The following FGF5 variants were observed in gnomAD, a reference collection of about 807,000 sequenced individuals.
The protein encoded by FGF5 is fibroblast growth factor 5, also known as heparin-binding growth factor 5.
FGF5 carries 23 observed loss-of-function variants against 21.8 expected under a neutral mutation model. That is an observed-to-expected ratio of 1.05 (90% CI 0.76 to 1.49). The LOEUF is 1.49. FGF5 is among the 40% of genes most tolerant of loss of function. The probability of loss-of-function intolerance (pLI) is 0.00; values close to 1 mark genes in which losing one functional copy is unlikely to be tolerated. For missense variants in FGF5, 352 were observed against 332.9 expected, an observed-to-expected ratio of 1.06 and a Z score of -0.45; for synonymous variants, 158 against 124.0, an observed-to-expected ratio of 1.27 and a Z score of -1.82.
chr4:80,284,102 G>C (rs1324880579), intron 2 of FGF5, among the ~76,000 whole-genome samples: 1 of 152,160 alleles, frequency 6.6e-6, no homozygotes, highest in East Asian at 1.9e-4. Context: ...TCGTAGACAG[G>C]GTGAAAGGGA....
chr4:80,273,168 G>A (rs984891053), intron 1 of FGF5, among the ~76,000 whole-genome samples: 9 of 151,170 alleles, frequency 6.0e-5, no homozygotes, highest in African/African-American at 2.2e-4. Flanking sequence ...ATACAGCACT[G>A]GTGGTTTTTT....
rs770941528 is a variant in FGF5, at chr4:80,274,971, A to T, written c.418A>T (p.Lys140Ter). The change falls in exon 2 of 3, where the codon AAA becomes TAA. Residue 140 changes from lysine to a stop codon, truncating the protein, a stop_gained. Coordinates refer to ENST00000312465, the MANE Select transcript of FGF5 (RefSeq NM_004464.4). LOFTEE classifies it high-confidence loss of function. ...AGGAATACGAGGAGTTTTCAGCAAC[A>T]AATTTTTAGCGATGTCAAAAAAAGG... Reference protein sequence around the residue: ...IVGIRGVFSNKFLAMSKKGKL... With the variant: ...IVGIRGVFSN 3 of 1,598,762 alleles carry T rather than the reference A, an allele frequency of 1.9e-6. No individual in the cohort carries two copies. Among genetic ancestry groups the T allele is most frequent in the African/African-American group, 2.7e-5 (2 of 74,274 alleles).
At chr4:80,275,520 T>C (rs1720386288) in intron 2 of FGF5, among the ~76,000 whole-genome samples, 2 of 152,022 alleles carry the variant, frequency 1.3e-5, no homozygotes, top group Admixed American at 6.6e-5. Flanking sequence ...ACAAATTTTA[T>C]TTAATTAATT....
rs752623488 is a variant in FGF5 at position 80,286,603 on chromosome 4, G to A, written c.738G>A (p.Lys246=). 6.2e-7 allele frequency: 1 copy of A among 1,614,024 alleles called. No individual in the cohort carries two copies. The highest frequency in any genetic ancestry group is 1.7e-5 in the Admixed American group (1 of 59,982). ...KKKPPSPIKP[K]IPLSAPRKNT... ...AGCCACCTAGCCCTATCAAGCCAAA[G>A]ATTCCCCTTTCTGCACCTCGGAAAA... Residue 246 remains lysine, a synonymous_variant, in exon 3 of 3, where the codon AAG becomes AAA. Transcript: ENST00000312465.
At chr4:80,281,903 T>G (rs142805290) in intron 2 of FGF5, among the ~76,000 whole-genome samples, 64 of 152,298 alleles carry the variant, frequency 4.2e-4, no homozygotes, top group Non-Finnish European at 7.9e-4. Flanking sequence ...ATCTGTTGTT[T>G]AAAATTGATC....
Position 80,275,043 on chromosome 4 carries a change from G to C in FGF5, c.459+31G>C, listed in dbSNP as rs369247578. ...TAGAACCACTTTATATTTGTTAAAG[G>C]TGCTATAAAGATTTTACATTTGTAA... On this transcript the variant is annotated intron_variant, in intron 2 of 2. Transcript: ENST00000312465. The C allele has an allele frequency of 4.0e-5, 36 of 892,530 alleles. No homozygotes were observed. The African/African-American group carries it at 6.1e-4, about 15-fold the overall frequency. The allele number at this position is 892,530 out of a possible 1,614,324, so 55.3% of individuals were successfully genotyped here.
At chr4:80,282,605 T>C (rs1420106971) in intron 2 of FGF5, among the ~76,000 whole-genome samples, 1 of 152,144 alleles carries the variant, frequency 6.6e-6, no homozygotes, top group East Asian at 1.9e-4. Flanking sequence ...TGGAATAAAT[T>C]AGTGAAAAAT....
Position 80,267,136 on chromosome 4 carries a change from C to T in FGF5, c.312C>T (p.Tyr104=), listed in dbSNP as rs761630557. 3 of 1,613,220 alleles carry T rather than the reference C, an allele frequency of 1.9e-6. No individual in the cohort carries two copies. The highest frequency in any genetic ancestry group is 2.5e-6 in the Non-Finnish European group (3 of 1,179,590). ...RVGIGFHLQI[Y]PDGKVNGSHE... ...GCATCGGTTTCCATCTGCAGATCTA[C>T]CCGGATGGCAAAGTCAATGGATCCC... Residue 104 remains tyrosine (Y), a synonymous_variant, in exon 1 of 3, where the codon TAC becomes TAT. Coordinates refer to ENST00000312465, the MANE Select transcript of FGF5 (RefSeq NM_004464.4).
chr4:80,267,181 T>C lies in FGF5; in HGVS notation c.355+2T>C. The C allele has an allele frequency of 6.3e-7, 1 of 1,592,784 alleles. No homozygotes were observed. On this transcript the variant is annotated splice_donor_variant, in intron 1 of 2. Transcript: ENST00000312465. LOFTEE classifies it high-confidence loss of function. ...GATCCCACGAAGCCAATATGTTAAG[T>C]AAGTTACTCGCTCTCCTACAAAACC...
chr4:80,275,513 A>AATTC (rs1720386205), intron 2 of FGF5, among the ~76,000 whole-genome samples: 2 of 151,978 alleles, frequency 1.3e-5, no homozygotes, highest in Non-Finnish European at 2.9e-5. Context: ...TTCATAGACA[A>AATTC]ATTTTATTTA....
At chr4:80,268,335 G>A (rs1720159334) in intron 1 of FGF5, 3 of 300,472 alleles carry the variant, frequency 1.0e-5, no homozygotes, top group East Asian at 1.7e-4. Flanking sequence ...GGGCCTGTCA[G>A]GTACCCAGGG....
chr4:80,286,273 A>C, intron 2 of FGF5, 52 bp from the exon 3 acceptor site: 1 of 1,266,300 alleles, frequency 7.9e-7, no homozygotes. Context: ...GTTTTATTAC[A>C]TGCTGAAAAG....
At chr4:80,274,876 C>A in intron 1 of FGF5, 33 bp from the exon 2 acceptor site, 1 of 866,188 alleles carries the variant, frequency 1.2e-6, no homozygotes, top group Non-Finnish European at 1.9e-6. Context: ...AAATAAGAGC[C>A]TGTGTTTTAT....
Position 80,290,724 on chromosome 4 carries a change from T to G in FGF5, c.*4052T>G, listed in dbSNP as rs2109934902. ...CCACAGCAGGCCCCGGTATGTGATG[T>G]TCCCCTTCGTGTGTCCATGTGTTCT... On this transcript the variant is annotated 3_prime_UTR_variant, in exon 3 of 3. Coordinates refer to ENST00000312465, the MANE Select transcript of FGF5 (RefSeq NM_004464.4). 6.6e-6 allele frequency: 1 copy of G among 152,174 alleles called. No individual in the cohort carries two copies. Among genetic ancestry groups the G allele is most frequent in the Middle Eastern group, 3.4e-3 (1 of 294 alleles). 9.4% of individuals were successfully genotyped at this position (152,174 alleles called of 1,614,324 possible).
At chr4:80,273,871 C>T (rs1720336824) in intron 1 of FGF5, among the ~76,000 whole-genome samples, 1 of 151,852 alleles carries the variant, frequency 6.6e-6, no homozygotes, top group South Asian at 2.1e-4. Context: ...AAGACAGGTC[C>T]CTTTTTAGCT....
chr4:80,281,809 G>T (rs113036461), intron 2 of FGF5, among the ~76,000 whole-genome samples: 2 of 152,030 alleles, frequency 1.3e-5, no homozygotes, highest in Non-Finnish European at 1.5e-5. Context: ...TTTAATTTTG[G>T]CTTGGCAGAA....
In FGF5 at chr4:80,286,727, T is replaced by C; in HGVS notation, c.*55T>C. The C allele has an allele frequency of 7.0e-7, 1 of 1,418,574 alleles. No individual in the cohort carries two copies. The highest frequency in any genetic ancestry group is 2.3e-5 in the East Asian group (1 of 42,938). 87.9% of individuals were successfully genotyped at this position (1,418,574 alleles called of 1,614,324 possible). ...CTTTCCCCTCAGGAGTTTCTATAGG[T>C]GTCTTCAGAGTTCTGAAGAAAAATT... On this transcript the variant is annotated 3_prime_UTR_variant, in exon 3 of 3. Transcript: ENST00000312465.
chr4:80,267,237 G>T, intron 1 of FGF5, 58 bp downstream of exon 1: 1 of 1,374,192 alleles, frequency 7.3e-7, no homozygotes, highest in East Asian at 2.3e-5. Flanking sequence ...GATTCGGGAG[G>T]GACAGCAGGT....
At position 80,286,428 on chromosome 4, in the gene FGF5, G is replaced by T. The variant is rs1462243605; in HGVS notation, c.563G>T (p.Trp188Leu). 18 of 1,613,954 alleles carry T rather than the reference G, an allele frequency of 1.1e-5. No individual in the cohort carries two copies. Among genetic ancestry groups the T allele is most frequent in the Non-Finnish European group, 1.4e-5 (17 of 1,179,964 alleles). ...IHRTEKTGRE[W>L]YVALNKRGKA... ...AGAACTGAAAAAACAGGGCGGGAGT[G>T]GTATGTGGCCCTGAATAAAAGAGGA... Residue 188 changes from tryptophan (W) to leucine (L), a missense_variant, in exon 3 of 3, where the codon TGG becomes TTG. Transcript: ENST00000312465.
Sources: gnomAD v4.1 joint callset for allele counts (sites outside exome capture counted in the v4.1 genomes callset) on GRCh38, gnomAD v4.1.1 for gene constraint, MANE v1.5 for transcripts, NCBI Gene and HGNC (gene_info 2026-07-23, HGNC 2026-07-21) for gene names.